The following MAGI1 variants were observed in gnomAD, a reference collection of about 807,000 sequenced individuals.
The protein encoded by MAGI1 is membrane-associated guanylate kinase, WW and PDZ domain-containing protein 1.
A neutral mutation model predicts 139.9 loss-of-function variants in MAGI1; 58 were observed. That is an observed-to-expected ratio of 0.41 (90% CI 0.34 to 0.52). The LOEUF (loss-of-function observed/expected upper bound fraction) is 0.52, where lower values mean the gene tolerates loss of function less well. MAGI1 is among the 20% of genes least tolerant of loss of function. MAGI1 has a pLI of 0.12. For synonymous variants in MAGI1, 812 were observed against 737.9 expected (o/e 1.10, Z -1.63); for missense variants, 1,874 against 1,901.6 (o/e 0.99, Z 0.27).
At chr3:65,654,356 G>A (rs768496614) in intron 1 of MAGI1, among the ~76,000 whole-genome samples, 10 of 152,122 alleles carry the variant, frequency 6.6e-5, no homozygotes, top group Non-Finnish European at 1.2e-4. Flanking sequence ...AACTGAGGGC[G>A]TAAAAATGTC....
At chr3:65,501,979 T>C (rs1225122526) in intron 2 of MAGI1, among the ~76,000 whole-genome samples, 2 of 152,198 alleles carry the variant, frequency 1.3e-5, no homozygotes, top group African/African-American at 4.8e-5. Flanking sequence ...TTATATTCTA[T>C]ATATTCTATA....
chr3:65,914,188 A>G (rs1265251487), intron 1 of MAGI1: 1 of 152,236 alleles, frequency 6.6e-6, no homozygotes, highest in Non-Finnish European at 1.5e-5. Flanking sequence ...ACAGGTCAGC[A>G]TACATACTCA....
chr3:65,639,767 C>T (rs1650024252), intron 1 of MAGI1, among the ~76,000 whole-genome samples: 3 of 151,986 alleles, frequency 2.0e-5, no homozygotes, highest in African/African-American at 7.3e-5. Flanking sequence ...CTTTGGGAGG[C>T]CGAGGTGGGC....
At chr3:65,710,397 C>T (rs1440282475) in intron 1 of MAGI1, among the ~76,000 whole-genome samples, 1 of 149,852 alleles carries the variant, frequency 6.7e-6, no homozygotes, top group Non-Finnish European at 1.5e-5. Context: ...TCTCCTGCCT[C>T]AGCCTCCTGA....
intron 1 of MAGI1, among the ~76,000 whole-genome samples, chr3:65,701,156 G>A (rs1291271821): frequency 3.3e-5 from 5 of 151,520 alleles, no homozygotes; most frequent in Non-Finnish European, 7.4e-5. Flanking sequence ...CAATAGCTCT[G>A]TAAGGTTTTC....
In MAGI1 at chr3:65,627,708, G is replaced by T. The variant is rs149404787; in HGVS notation, c.314-5620C>A. ...TTTTTAGTAGAGATGGGGTTTCACC[G>T]TGCTAGCCAGGTTGGTCTCGATCTC... On this transcript the variant is annotated intron_variant, in intron 1 of 22. Coordinates refer to ENST00000402939, the MANE Select transcript of MAGI1 (RefSeq NM_001033057.2). 1.9e-3 allele frequency among the ~76,000 whole-genome samples: 288 copies of T among 151,310 alleles called. 1 individual carries two copies. The highest frequency in any genetic ancestry group is 6.7e-3 in the African/African-American group (275 of 41,264).
chr3:65,690,092 G>C (rs1242867074), intron 1 of MAGI1, among the ~76,000 whole-genome samples: 1 of 152,168 alleles, frequency 6.6e-6, no homozygotes, highest in Non-Finnish European at 1.5e-5. Flanking sequence ...TGCAAGGAAA[G>C]GACTCACTGG....
At chr3:65,988,028 T>G (rs143551677) in intron 1 of MAGI1, among the ~76,000 whole-genome samples, 1 of 152,238 alleles carries the variant, frequency 6.6e-6, no homozygotes, top group African/African-American at 2.4e-5. Context: ...GGGTTGAAGA[T>G]ATAAGTGTAA....
intron 2 of MAGI1, chr3:65,498,960 G>C: frequency 1.0e-6 from 1 of 974,440 alleles, no homozygotes; most frequent in Non-Finnish European, 1.2e-6. Context: ...ACTACATCCA[G>C]TACCATGTCC....
intron 1 of MAGI1, among the ~76,000 whole-genome samples, chr3:65,901,996 T>G (rs1207570701): frequency 1.3e-5 from 2 of 152,178 alleles, no homozygotes; most frequent in Non-Finnish European, 2.9e-5. Context: ...ATAACATACT[T>G]CTTAATGTTT....
At chr3:66,030,894 T>C (rs1209297197) in intron 1 of MAGI1, among the ~76,000 whole-genome samples, 1 of 152,240 alleles carries the variant, frequency 6.6e-6, no homozygotes, top group African/African-American at 2.4e-5. Context: ...AATTACATTT[T>C]CTAATTTTGC....
chr3:65,961,549 A>G (rs1355750164), intron 1 of MAGI1, among the ~76,000 whole-genome samples: 1 of 152,234 alleles, frequency 6.6e-6, no homozygotes, highest in Non-Finnish European at 1.5e-5. Flanking sequence ...TTCAACATAG[A>G]AAGACCCTTA....
intron 1 of MAGI1, among the ~76,000 whole-genome samples, chr3:65,679,141 T>C (rs1347446285): frequency 6.6e-6 from 1 of 152,088 alleles, no homozygotes; most frequent in Non-Finnish European, 1.5e-5. Flanking sequence ...TCTGTTTACC[T>C]GCCTACTTCC....
At chr3:65,582,333 C>A (rs1489460550) in intron 2 of MAGI1, among the ~76,000 whole-genome samples, 4 of 152,152 alleles carry the variant, frequency 2.6e-5, no homozygotes, top group Non-Finnish European at 1.5e-5. Flanking sequence ...AGGAAGAGCA[C>A]CAGGCACGTG....
intron 2 of MAGI1, among the ~76,000 whole-genome samples, chr3:65,507,247 G>A (rs1211819110): frequency 6.6e-6 from 1 of 152,160 alleles, no homozygotes; most frequent in Admixed American, 6.5e-5. Context: ...AGAGTAAGTA[G>A]CATAAAACTG....
rs74738799 is a variant in MAGI1 at position 65,390,803 on chromosome 3, G to T, written c.2416+339C>A. ...CATGTTTAAGTTCTGTTGCATATCA[G>T]ATTTGTGCTCAGAGCACATCACAAT... On this transcript the variant is annotated intron_variant, in intron 14 of 22. Transcript: ENST00000402939. 2.9e-3 allele frequency among the ~76,000 whole-genome samples: 435 copies of T among 152,328 alleles called. 5 individuals are homozygous for T. Among genetic ancestry groups the T allele is most frequent in the African/African-American group, 9.9e-3 (411 of 41,566 alleles).
chr3:66,030,613 C>A (rs992760822), intron 1 of MAGI1, among the ~76,000 whole-genome samples: 24 of 152,210 alleles, frequency 1.6e-4, no homozygotes, highest in African/African-American at 5.1e-4. Flanking sequence ...TCACAAGAGG[C>A]CTCACTGGGC....
intron 2 of MAGI1, among the ~76,000 whole-genome samples, chr3:65,567,139 C>T (rs2108047769): frequency 6.6e-6 from 1 of 152,292 alleles, no homozygotes. Context: ...AGGCCCAGGA[C>T]ACTCATAATG....
Position 65,918,444 on chromosome 3 carries a change from G to A in MAGI1, c.313+119552C>T, listed in dbSNP as rs1183511742. Reference sequence around the variant, plus strand: ...TCACCAGGCTGGAGTGCAATGGCGCGATCTCGGCTCACTGAAACCTCTGCT... The same window carrying A: ...TCACCAGGCTGGAGTGCAATGGCGCAATCTCGGCTCACTGAAACCTCTGCT... On this transcript the variant is annotated intron_variant, in intron 1 of 22. Coordinates refer to ENST00000402939, the MANE Select transcript of MAGI1 (RefSeq NM_001033057.2). 9.5e-5 allele frequency among the ~76,000 whole-genome samples: 14 copies of A among 147,874 alleles called. No homozygotes were observed. In the East Asian group the frequency reaches 1.0e-3, roughly 11 times the overall value.
Sources: gnomAD v4.1 joint callset for allele counts (sites outside exome capture counted in the v4.1 genomes callset) on GRCh38, gnomAD v4.1.1 for gene constraint, MANE v1.5 for transcripts, NCBI Gene and HGNC (gene_info 2026-07-23, HGNC 2026-07-21) for gene names.